The following MACROD2 variants were observed in gnomAD, a reference collection of about 807,000 sequenced individuals.
MACROD2 encodes the protein mono-ADP ribosylhydrolase 2.
A neutral mutation model predicts 70.4 loss-of-function variants in MACROD2; 36 were observed. The ratio of observed to expected loss-of-function variants is 0.51; its 90% CI spans 0.39 to 0.68. MACROD2 has a LOEUF of 0.68. MACROD2 is among the 30% of genes least tolerant of loss of function. The pLI is 0.00. For missense variants in MACROD2, 496 were observed against 538.4 expected (o/e 0.92, Z 0.78); for synonymous variants, 172 against 178.8 (o/e 0.96, Z 0.30).
intron 5 of MACROD2, among the ~76,000 whole-genome samples, chr20:14,725,901 C>T (rs1360783130): frequency 6.6e-6 from 1 of 152,152 alleles, no homozygotes; most frequent in Non-Finnish European, 1.5e-5. Flanking sequence ...GCTGTTTGCA[C>T]AGGAAACAGT....
chr20:14,570,387 T>G (rs941403613), intron 4 of MACROD2, among the ~76,000 whole-genome samples: 11 of 152,090 alleles, frequency 7.2e-5, no homozygotes, highest in African/African-American at 2.6e-4. Flanking sequence ...CCTTCTTGAG[T>G]GCTGGTGGTC....
chr20:14,087,970 C>A (rs1439481105), intron 3 of MACROD2, among the ~76,000 whole-genome samples: 2 of 151,652 alleles, frequency 1.3e-5, no homozygotes, highest in South Asian at 4.1e-4. Flanking sequence ...GATATATATA[C>A]ACACATGTGA....
At chr20:15,343,154 C>T (rs563731571) in intron 6 of MACROD2, among the ~76,000 whole-genome samples, 15 of 152,262 alleles carry the variant, frequency 9.9e-5, no homozygotes, top group African/African-American at 3.1e-4. Flanking sequence ...CCAGGCCTTC[C>T]GCTCACATCA....
intron 8 of MACROD2, among the ~76,000 whole-genome samples, chr20:15,518,734 C>G (rs1258871264): frequency 6.6e-6 from 1 of 152,128 alleles, no homozygotes; most frequent in Non-Finnish European, 1.5e-5. Flanking sequence ...TGCGGTGGCT[C>G]ACACCTGTAA....
rs142504612 is a variant in MACROD2 at position 15,718,550 on chromosome 20, T to C, written c.646-144195T>C. On this transcript the variant is annotated intron_variant, in intron 8 of 17. Transcript: ENST00000684519. ...CTTTGTTCAGTCCTCACCAAGGCAA[T>C]GTAGGGTGGATAAGCAGTGTAGGGT... Among the ~76,000 whole-genome samples, 11 of 152,244 alleles carry C rather than the reference T, an allele frequency of 7.2e-5. No homozygotes were observed. The East Asian group carries it at 1.9e-3, about 27-fold the overall frequency.
rs6034096 is a variant in MACROD2, at chr20:15,062,187, C to A, written c.419-167753C>A. On this transcript the variant is annotated intron_variant, in intron 5 of 17. Transcript: ENST00000684519. Reference sequence around the variant, plus strand: ...GGGAGTGTGCATGTTCTCTTAGATCCTGAAAATAGGTAAACAGCCTCAGGA... The same window carrying A: ...GGGAGTGTGCATGTTCTCTTAGATCATGAAAATAGGTAAACAGCCTCAGGA... Among the ~76,000 whole-genome samples, 222 of 152,196 alleles carry A rather than the reference C, an allele frequency of 1.5e-3. 1 individual carries two copies. Among genetic ancestry groups the A allele is most frequent in the African/African-American group, 4.8e-3 (201 of 41,536 alleles).
intron 5 of MACROD2, among the ~76,000 whole-genome samples, chr20:14,928,551 A>G (rs1260492623): frequency 6.6e-6 from 1 of 152,190 alleles, no homozygotes; most frequent in Admixed American, 6.5e-5. Flanking sequence ...AAAATTACAT[A>G]GCTGGTTAAT....
At chr20:15,147,605 G>A (rs2076240009) in intron 5 of MACROD2, among the ~76,000 whole-genome samples, 2 of 151,918 alleles carry the variant, frequency 1.3e-5, no homozygotes, top group Admixed American at 1.3e-4. Flanking sequence ...TAGTAAAGAG[G>A]CTGAAACAAT....
chr20:14,043,025 C>T (rs575778078), intron 2 of MACROD2, among the ~76,000 whole-genome samples: 1 of 109,860 alleles, frequency 9.1e-6, no homozygotes, highest in Non-Finnish European at 2.0e-5. Flanking sequence ...CTCATATGAG[C>T]CTCCTGCTTC....
At chr20:14,965,897 T>G (rs2074632257) in intron 5 of MACROD2, among the ~76,000 whole-genome samples, 1 of 152,162 alleles carries the variant, frequency 6.6e-6, no homozygotes, top group South Asian at 2.1e-4. Context: ...GCTATCTTAT[T>G]TAAACAAGTA....
At chr20:14,078,432 G>A (rs1159076640) in intron 2 of MACROD2, among the ~76,000 whole-genome samples, 1 of 151,926 alleles carries the variant, frequency 6.6e-6, no homozygotes, top group East Asian at 1.9e-4. Context: ...TTGAGATGAA[G>A]TCTCGCTCTT....
chr20:15,673,672 TG>T (rs958802428), intron 8 of MACROD2, among the ~76,000 whole-genome samples: 5 of 152,174 alleles, frequency 3.3e-5, no homozygotes, highest in African/African-American at 1.2e-4. Context: ...AGATATTTTT[TG>T]AAGTACTTCA....
At chr20:14,313,563 T>A (rs2082586639) in intron 3 of MACROD2, among the ~76,000 whole-genome samples, 1 of 152,114 alleles carries the variant, frequency 6.6e-6, no homozygotes, top group Admixed American at 6.5e-5. Context: ...GAAATTTGTC[T>A]GGGGAGGTGA....
At chr20:15,604,187 C>T (rs574723791) in intron 8 of MACROD2, among the ~76,000 whole-genome samples, 1 of 152,260 alleles carries the variant, frequency 6.6e-6, no homozygotes, top group South Asian at 2.1e-4. Context: ...TGGCCCAAAC[C>T]AGAGAGTTGC....
chr20:15,338,866 AAAT>A (rs1411373666), intron 6 of MACROD2, among the ~76,000 whole-genome samples: 1 of 137,480 alleles, frequency 7.3e-6, no homozygotes, highest in Admixed American at 6.9e-5. Flanking sequence ...GTTCATTTTA[AAAT>A]ACAATGTTAA....
At chr20:14,594,993 T>G (rs1472075501) in intron 4 of MACROD2, among the ~76,000 whole-genome samples, 1 of 152,160 alleles carries the variant, frequency 6.6e-6, no homozygotes. Flanking sequence ...TTTTTCCCCC[T>G]CTGGTATAAA....
At chr20:14,448,295 A>T (rs766401295) in intron 3 of MACROD2, among the ~76,000 whole-genome samples, 9 of 151,968 alleles carry the variant, frequency 5.9e-5, no homozygotes, top group Non-Finnish European at 1.2e-4. Flanking sequence ...ATGTCTTTTT[A>T]TTACCTATGA....
intron 8 of MACROD2, among the ~76,000 whole-genome samples, chr20:15,813,774 C>T (rs1425072607): frequency 6.6e-6 from 1 of 151,990 alleles, no homozygotes; most frequent in Non-Finnish European, 1.5e-5. Context: ...GGGAGAGATC[C>T]CCGTCTCAAA....
At chr20:15,325,663 C>T (rs1355573923) in intron 6 of MACROD2, among the ~76,000 whole-genome samples, 2 of 152,274 alleles carry the variant, frequency 1.3e-5, no homozygotes, top group Middle Eastern at 3.4e-3. Context: ...GGCCTGTCTG[C>T]ATCCTAACTT....
Sources: allele counts gnomAD v4.1 joint callset (sites outside exome capture counted in the v4.1 genomes callset), GRCh38; gene constraint gnomAD v4.1.1; transcripts MANE v1.5; gene names NCBI Gene and HGNC (gene_info 2026-07-23, HGNC 2026-07-21).